Variants in JAG1 observed in about 807,000 individuals in gnomAD.
The protein encoded by JAG1 is jagged canonical Notch ligand 1.
JAG1 carries 23 observed loss-of-function variants against 148.7 expected under a neutral mutation model. That is an observed-to-expected ratio of 0.15 (90% CI 0.11 to 0.22). The LOEUF (loss-of-function observed/expected upper bound fraction) is 0.22, where lower values mean the gene tolerates loss of function less well. JAG1 is among the 10% of genes least tolerant of loss of function. The pLI, the probability that JAG1 is intolerant of heterozygous loss-of-function variation, is 1.00. For missense variants in JAG1, 1,054 were observed against 1,611.2 expected (o/e 0.65, Z 5.92); for synonymous variants, 572 against 598.3 (o/e 0.96, Z 0.64).
Position 10,652,325 on chromosome 20 carries a change from G to A in JAG1, c.887-75C>T, listed in dbSNP as rs540438593. On this transcript the variant is annotated intron_variant, in intron 6 of 25. Coordinates refer to ENST00000254958, the MANE Select transcript of JAG1 (RefSeq NM_000214.3). ...ACCCACCATGTTTCTAGCCCCAGTCGTCTTTTAAAAAGAAAAACCAGAAAA... is the reference window on the plus strand; with the variant it reads ...ACCCACCATGTTTCTAGCCCCAGTCATCTTTTAAAAAGAAAAACCAGAAAA... 52 of 1,602,122 alleles carry A rather than the reference G, an allele frequency of 3.2e-5. 1 individual carries two copies. The highest frequency in any genetic ancestry group is 8.5e-5 in the Admixed American group (5 of 58,876).
At chr20:10,664,136 G>A in intron 2 of JAG1, 122 bp from the exon 3 acceptor site, 1 of 804,268 alleles carries the variant, frequency 1.2e-6, no homozygotes, top group Admixed American at 1.9e-5. Flanking sequence ...TAAAAATTCT[G>A]TTGGTTGTTG....
chr20:10,653,732 CTTTCGG>C (rs2122616778), intron 5 of JAG1, among the ~76,000 whole-genome samples: 1 of 152,216 alleles, frequency 6.6e-6, no homozygotes, highest in Admixed American at 6.5e-5. Flanking sequence ...GAAGGAAAGG[CTTTCGG>C]TTTCCCAAGA....
At chr20:10,665,484 A>G (rs1057007211) in intron 2 of JAG1, among the ~76,000 whole-genome samples, 2 of 152,208 alleles carry the variant, frequency 1.3e-5, no homozygotes, top group Non-Finnish European at 2.9e-5. Flanking sequence ...TTACTATTTT[A>G]TTAGCGAAAG....
chr20:10,642,405 C>A, intron 21 of JAG1, 83 bp downstream of exon 21: 1 of 791,938 alleles, frequency 1.3e-6, no homozygotes, highest in Non-Finnish European at 2.2e-6. Context: ...AGCACAGTGG[C>A]TTATTTGTGA....
At chr20:10,642,716 C>CA (rs2067281699) in intron 20 of JAG1, 115 bp from the exon 21 acceptor site, 3 of 739,544 alleles carry the variant, frequency 4.1e-6, no homozygotes, top group African/African-American at 3.5e-5. Flanking sequence ...GATGAATTTT[C>CA]ACTCAGGTAA....
At chr20:10,658,356 G>T in intron 4 of JAG1, 112 bp downstream of exon 4, 1 of 1,421,884 alleles carries the variant, frequency 7.0e-7, no homozygotes, top group Non-Finnish European at 9.8e-7. Context: ...CAGAATAACA[G>T]CCAAAATCCC....
rs2067379445 is a variant in JAG1, at chr20:10,656,390, TG to T, written c.755+7del. The T allele has an allele frequency of 1.2e-5, 19 of 1,610,000 alleles. No homozygotes were observed. The highest frequency in any genetic ancestry group is 1.5e-5 in the Non-Finnish European group (18 of 1,176,362). On this transcript the variant is annotated splice_region_variant and intron_variant, in intron 5 of 25. Coordinates refer to ENST00000254958, the MANE Select transcript of JAG1 (RefSeq NM_000214.3). ...AAAAGAAATCTCACAAAAGACCAGT[TG>T]ATTTACCTGCAGTCACCTGGGAGTT...
chr20:10,656,500 C>A (rs1279125460), intron 4 of JAG1, 42 bp from the exon 5 acceptor site: 1 of 1,543,282 alleles, frequency 6.5e-7, no homozygotes, highest in South Asian at 1.1e-5. Context: ...ACTGCCTGTT[C>A]CTTGCATCGC....
chr20:10,664,667 G>A (rs891212456), intron 2 of JAG1, among the ~76,000 whole-genome samples: 3 of 152,122 alleles, frequency 2.0e-5, no homozygotes, highest in African/African-American at 4.8e-5. Context: ...GGAGTTGGGG[G>A]CAGATCCCAG....
In JAG1 at chr20:10,645,490, A is replaced by G. The variant is rs1302821751; in HGVS notation, c.2000-21T>C. On this transcript the variant is annotated intron_variant, in intron 15 of 25. Transcript: ENST00000254958. This position sits in a 1 kb window ranked among gnomAD's most constrained non-coding sequence, Gnocchi z 6.1. ...AATATCTAGAATCAAAGGGGAGACAATCGGCTGAAGACGAGATCCAGGACC... is the reference window on the plus strand; with the variant it reads ...AATATCTAGAATCAAAGGGGAGACAGTCGGCTGAAGACGAGATCCAGGACC... 6.3e-6 allele frequency: 10 copies of G among 1,592,996 alleles called. No homozygotes were observed. The highest frequency in any genetic ancestry group is 7.8e-6 in the Non-Finnish European group (9 of 1,161,188).
chr20:10,667,265 G>A (rs1467588037), intron 2 of JAG1, among the ~76,000 whole-genome samples: 3 of 152,234 alleles, frequency 2.0e-5, no homozygotes, highest in Non-Finnish European at 4.4e-5. Flanking sequence ...AATGCCCGAC[G>A]TGCCAACGCG....
At chr20:10,663,609 C>G (rs2067432110) in intron 3 of JAG1, among the ~76,000 whole-genome samples, 1 of 152,204 alleles carries the variant, frequency 6.6e-6, no homozygotes, top group Non-Finnish European at 1.5e-5. Flanking sequence ...ATTAAACACT[C>G]ACTTAAAGTT....
chr20:10,647,384 A>AT lies in JAG1; in HGVS notation c.1721-282dup, dbSNP rs1294759862. The AT allele has an allele frequency of 1.2e-5, 6 of 509,828 alleles. No individual in the cohort carries two copies. The South Asian group carries it at 1.2e-4, about 11-fold the overall frequency. 31.6% of individuals were successfully genotyped at this position (509,828 alleles called of 1,614,324 possible). On this transcript the variant is annotated intron_variant, in intron 13 of 25. Transcript: ENST00000254958. ...TCATCCTACCTTTGACATCTACCCA[A>AT]TTTGGTAAACACTTGCTAAGGCAAA...
intron 6 of JAG1, 37 bp from the exon 7 acceptor site, chr20:10,652,287 G>A (rs1413204488): frequency 8.1e-6 from 13 of 1,612,716 alleles, no homozygotes; most frequent in Non-Finnish European, 1.1e-5. Flanking sequence ...AGAGACGCCT[G>A]TGAAGATGGC....
rs758876727 is a variant in JAG1 at position 10,649,561 on chromosome 20, C to T, written c.1309G>A (p.Asp437Asn). 2.9e-5 allele frequency: 47 copies of T among 1,613,340 alleles called. No individual in the cohort carries two copies. Among genetic ancestry groups the T allele is most frequent in the Non-Finnish European group, 3.5e-5 (41 of 1,179,418 alleles). The change falls in exon 10 of 26, where the codon GAC becomes AAC. Residue 437 changes from aspartate to asparagine, a missense_variant. Physicochemically the swap from Asp to Asn is conservative, Grantham distance 23 (BLOSUM62 1). Around this residue, in one of 6 missense-constraint regions of JAG1, gnomAD observed 245 missense variants for 373.1 expected, o/e 0.66. Coordinates refer to ENST00000254958, the MANE Select transcript of JAG1 (RefSeq NM_000214.3). The part of the protein sequence containing the change: ...CKNLIASYYC[D>N]CLPGWMGQNC... ...TGACCCATCCAGCCGGGAAGACAGTCGCAGTAGTAGCTGGCAATGAGATTC... is the reference window on the plus strand; with the variant it reads ...TGACCCATCCAGCCGGGAAGACAGTTGCAGTAGTAGCTGGCAATGAGATTC...
At chr20:10,654,964 C>G (rs1338163062) in intron 5 of JAG1, among the ~76,000 whole-genome samples, 1 of 152,202 alleles carries the variant, frequency 6.6e-6, no homozygotes, top group Non-Finnish European at 1.5e-5. Context: ...GGGACTTTCT[C>G]CAGAACACCC....
At chr20:10,641,003 A>AGG in intron 24 of JAG1, 70 bp from the exon 25 acceptor site, 2 of 1,611,058 alleles carry the variant, frequency 1.2e-6, no homozygotes, top group South Asian at 2.2e-5. Context: ...AAATTACTCG[A>AGG]CAATCTGTGT....
At chr20:10,665,698 A>C (rs928010424) in intron 2 of JAG1, among the ~76,000 whole-genome samples, 1 of 152,190 alleles carries the variant, frequency 6.6e-6, no homozygotes, top group East Asian at 1.9e-4. Context: ...CCACTTCAAC[A>C]GTATTGTTGT....
chr20:10,672,953 C>A lies in JAG1; in HGVS notation c.135G>T (p.Val45=), dbSNP rs1193959313. The part of the protein sequence containing the change: ...FELEILSMQN[V]NGELQNGNCC... The stretch of plus-strand genomic sequence containing the variant: ...AGTTCCCGTTCTGCAGCTCCCCGTT[C>A]ACGTTCTGCATGGACAGGATCTCCA... The change falls in exon 2 of 26, where the codon GTG becomes GTT. Residue 45 remains valine, a synonymous_variant. Coordinates refer to ENST00000254958, the MANE Select transcript of JAG1 (RefSeq NM_000214.3). 5 of 1,612,732 alleles carry A rather than the reference C, an allele frequency of 3.1e-6. No individual in the cohort carries two copies. The African/African-American group carries it at 5.3e-5, about 17-fold the overall frequency.
Sources: allele counts gnomAD v4.1 joint callset (sites outside exome capture counted in the v4.1 genomes callset), GRCh38; gene constraint gnomAD v4.1.1; regional missense constraint gnomAD v4.1.1; non-coding constraint Gnocchi (gnomAD v3.1); transcripts MANE v1.5; gene names NCBI Gene and HGNC (gene_info 2026-07-23, HGNC 2026-07-21).